CCSER2: variants seen among roughly 807,000 people sequenced by gnomAD.
The protein encoded by CCSER2 is serine-rich coiled-coil domain-containing protein 2.
Under a neutral mutation model 92.3 loss-of-function variants are expected in CCSER2, and 46 were observed. The observed-to-expected ratio is 0.50, with a 90% CI of 0.39 to 0.64. CCSER2 has a LOEUF of 0.64. CCSER2 is among the 30% of genes least tolerant of loss of function. The pLI is 0.00. For missense variants in CCSER2, 1,244 were observed against 1,238.9 expected (o/e 1.00, Z -0.06); for synonymous variants, 433 against 431.4 (o/e 1.00, Z -0.04).
intron 1 of CCSER2, among the ~76,000 whole-genome samples, chr10:84,338,994 G>T (rs564166896): frequency 6.6e-6 from 1 of 152,162 alleles, no homozygotes; most frequent in African/African-American, 2.4e-5. Context: ...CTTAGCCACT[G>T]ATCCATGCCC....
At chr10:84,457,320 A>ATATAATATAT (rs1564685032) in intron 6 of CCSER2, among the ~76,000 whole-genome samples, 23 of 80,662 alleles carry the variant, frequency 2.9e-4, no homozygotes, top group East Asian at 1.3e-3. Context: ...TATATAATAT[A>ATATAATATAT]TTATATATAA....
At chr10:84,476,739 G>C (rs1026619625) in intron 8 of CCSER2, among the ~76,000 whole-genome samples, 1 of 152,070 alleles carries the variant, frequency 6.6e-6, no homozygotes, top group African/African-American at 2.4e-5. Flanking sequence ...CACCGTGCCT[G>C]GCCGGGAGAA....
At chr10:84,466,508 G>T (rs530887272) in intron 7 of CCSER2, among the ~76,000 whole-genome samples, 9,925 of 138,702 alleles carry the variant, frequency 0.072, 427 homozygotes, top group Admixed American at 0.11. Context: ...TGTTTTTTTG[G>T]TTTTTTTTTT....
chr10:84,392,946 G>A (rs1001642767), intron 3 of CCSER2, among the ~76,000 whole-genome samples: 1 of 152,104 alleles, frequency 6.6e-6, no homozygotes, highest in Non-Finnish European at 1.5e-5. Context: ...CTGGCTCATA[G>A]TGGTTGAAAG....
chr10:84,506,666 C>A (rs1420335118), intron 9 of CCSER2, among the ~76,000 whole-genome samples: 2 of 151,964 alleles, frequency 1.3e-5, no homozygotes, highest in East Asian at 1.9e-4. Flanking sequence ...TGGTGGCAGG[C>A]GCCTGTAATA....
chr10:84,474,554 A>G (rs1476344898), intron 8 of CCSER2, among the ~76,000 whole-genome samples: 1 of 151,420 alleles, frequency 6.6e-6, no homozygotes, highest in Non-Finnish European at 1.5e-5. Context: ...TCAGCTACTC[A>G]GGAGGCTGAG....
chr10:84,339,854 T>G (rs1844074533), intron 1 of CCSER2, among the ~76,000 whole-genome samples: 1 of 151,890 alleles, frequency 6.6e-6, no homozygotes, highest in African/African-American at 2.4e-5. Context: ...TTTTTTTATT[T>G]TTTTGAGACG....
At chr10:84,472,472 T>G (rs1225487415) in intron 8 of CCSER2, among the ~76,000 whole-genome samples, 1 of 152,128 alleles carries the variant, frequency 6.6e-6, no homozygotes, top group African/African-American at 2.4e-5. Flanking sequence ...CTTGGGATGC[T>G]GAGGCAGAAC....
Position 84,343,299 on chromosome 10 carries a change from G to A in CCSER2, c.-40+14491G>A, listed in dbSNP as rs536611015. Among the ~76,000 whole-genome samples the A allele has an allele frequency of 2.0e-5, 3 of 152,290 alleles. No individual in the cohort carries two copies. The South Asian group carries it at 6.2e-4, about 32-fold the overall frequency. ...TGCCCAAAGTATAAACCTGGGAGTA[G>A]TCCAGACTTCTCTTATCTCTCATTT... On this transcript the variant is annotated intron_variant, in intron 1 of 9. Coordinates refer to ENST00000372088, the MANE Select transcript of CCSER2 (RefSeq NM_001284240.2).
At chr10:84,490,563 G>A (rs1848098301) in intron 9 of CCSER2, among the ~76,000 whole-genome samples, 1 of 152,192 alleles carries the variant, frequency 6.6e-6, no homozygotes, top group African/African-American at 2.4e-5. Flanking sequence ...TCGTCACGTA[G>A]TTCTCGTGCC....
At chr10:84,427,639 C>T (rs895480374) in intron 5 of CCSER2, among the ~76,000 whole-genome samples, 2 of 152,170 alleles carry the variant, frequency 1.3e-5, no homozygotes, top group African/African-American at 2.4e-5. Flanking sequence ...AATACATCCA[C>T]TCATGTTCTC....
At chr10:84,460,417 T>G (rs1405262274) in intron 6 of CCSER2, among the ~76,000 whole-genome samples, 1 of 152,048 alleles carries the variant, frequency 6.6e-6, no homozygotes, top group Non-Finnish European at 1.5e-5. Context: ...TGCATCCTTA[T>G]ACATGAAGAA....
At chr10:84,355,490 T>A (rs969708336) in intron 1 of CCSER2, among the ~76,000 whole-genome samples, 2 of 152,176 alleles carry the variant, frequency 1.3e-5, no homozygotes, top group African/African-American at 4.8e-5. Context: ...TATCCCTCTC[T>A]CCCAGTTAAG....
At chr10:84,332,303 A>G (rs1589368209) in intron 1 of CCSER2, among the ~76,000 whole-genome samples, 1 of 150,666 alleles carries the variant, frequency 6.6e-6, no homozygotes, top group Non-Finnish European at 1.5e-5. Flanking sequence ...CTTCTCACCA[A>G]TTTTCATTAG....
At chr10:84,385,899 A>G (rs893305696) in intron 3 of CCSER2, among the ~76,000 whole-genome samples, 2 of 152,088 alleles carry the variant, frequency 1.3e-5, no homozygotes, top group Non-Finnish European at 2.9e-5. Context: ...AAAATGTATA[A>G]CTCCATTAAA....
In CCSER2 at chr10:84,474,662, C is replaced by CAA. The variant is rs397844899; in HGVS notation, c.2236-2889_2236-2888dup. 6.5e-3 allele frequency among the ~76,000 whole-genome samples: 423 copies of CAA among 65,414 alleles called. 7 individuals are homozygous for CAA. The highest frequency in any genetic ancestry group is 0.02 in the African/African-American group (284 of 14,284). 42.9% of individuals were successfully genotyped at this position (65,414 alleles called of 152,430 possible). On this transcript the variant is annotated intron_variant, in intron 8 of 9. Coordinates refer to ENST00000372088, the MANE Select transcript of CCSER2 (RefSeq NM_001284240.2). ...TGGGCAACAGAGCAAGACTCCATCT[C>CAA]AAAAAAAAAAAAAAAAAAAAAAAAA...
At chr10:84,438,187 G>C (rs1318366480) in intron 5 of CCSER2, among the ~76,000 whole-genome samples, 1 of 152,188 alleles carries the variant, frequency 6.6e-6, no homozygotes, top group East Asian at 1.9e-4. Flanking sequence ...ACAACAGTCA[G>C]TGCAGAAAAG....
At chr10:84,392,129 A>G (rs71487106) in intron 3 of CCSER2, 141,682 of 641,186 alleles carry the variant, frequency 0.22, 16,927 homozygotes, top group Admixed American at 0.41. Context: ...CAGGGAAAAT[A>G]CTACCCTTTA....
intron 3 of CCSER2, among the ~76,000 whole-genome samples, chr10:84,414,809 C>T (rs190566000): frequency 1.2e-4 from 18 of 152,268 alleles, no homozygotes; most frequent in African/African-American, 4.3e-4. Context: ...GGTCTCTTTA[C>T]ATAATTGCAT....
Sources: allele counts gnomAD v4.1 joint callset (sites outside exome capture counted in the v4.1 genomes callset), GRCh38; gene constraint gnomAD v4.1.1; transcripts MANE v1.5; gene names NCBI Gene and HGNC (gene_info 2026-07-23, HGNC 2026-07-21).